Variants in AP3D1 observed in about 807,000 individuals in gnomAD.
The protein encoded by AP3D1 is AP-3 complex subunit delta-1.
Under a neutral mutation model 147.6 loss-of-function variants are expected in AP3D1, and 51 were observed. That is an observed-to-expected ratio of 0.35 (90% confidence interval 0.28 to 0.44). The LOEUF is 0.44. Among genes scored for constraint, AP3D1 ranks in the 20% least tolerant of loss-of-function variants. The pLI is 1.00. For synonymous variants in AP3D1, 760 were observed against 663.0 expected, an observed-to-expected ratio of 1.15 and a Z score of -2.25; for missense variants, 1,421 against 1,624.2, an observed-to-expected ratio of 0.87 and a Z score of 2.15.
chr19:2,108,022 A>G (rs2018160745), intron 31 of AP3D1, among the ~76,000 whole-genome samples: 2 of 152,350 alleles, frequency 1.3e-5, no homozygotes, highest in South Asian at 4.1e-4. Context: ...AAAAGCCTGC[A>G]GAAAAGGAAC....
At chr19:2,137,860 G>A (rs2019118558) in intron 2 of AP3D1, 53 bp from the exon 3 acceptor site, 2 of 1,556,854 alleles carry the variant, frequency 1.3e-6, no homozygotes, top group East Asian at 2.3e-5. Flanking sequence ...AGAGAGAAAG[G>A]TTTTGAGCCG....
rs756906441 is a variant in AP3D1, at chr19:2,112,926, C to T, written c.2721G>A (p.Glu907=). The change falls in exon 24 of 32, where the codon GAG becomes GAA. Residue 907 remains glutamate (E), a synonymous_variant. Transcript: ENST00000643116. ...SVNTVTTPKD[E]CEDAKTEAQG... The stretch of plus-strand genomic sequence containing the variant: ...GCGCCTCCGTCTTGGCGTCCTCACA[C>T]TCGTCCTTCGGGGTAGTGACAGTGT... 1.4e-5 allele frequency: 23 copies of T among 1,613,234 alleles called. No individual in the cohort carries two copies. The highest frequency in any genetic ancestry group is 1.8e-5 in the Non-Finnish European group (21 of 1,179,742).
rs1276793982 is a variant in AP3D1 at position 2,109,171 on chromosome 19, C to T, written c.3387G>A (p.Leu1129=). 3.1e-6 allele frequency: 5 copies of T among 1,608,612 alleles called. No individual in the cohort carries two copies. The highest frequency in any genetic ancestry group is 1.7e-5 in the Admixed American group (1 of 58,274). ...CATCGACTTTGATTGAGCTCATGCT[C>T]AAGTCCCCAGACTCCAGCAACTTAG... ...AFAKLLESGD[L]SMSSIKVDGI... is the part of the protein sequence containing the mutation. The change falls in exon 30 of 32, where the codon TTG becomes TTA. Residue 1129 remains leucine, a synonymous_variant. Transcript: ENST00000643116.
chr19:2,163,087 T>A (rs2019759671), intron 1 of AP3D1, among the ~76,000 whole-genome samples: 1 of 152,094 alleles, frequency 6.6e-6, no homozygotes, highest in African/African-American at 2.4e-5. Context: ...ATTAATTATT[T>A]TTTTGAGACG....
At chr19:2,117,450 CT>C in intron 15 of AP3D1, 83 bp from the exon 16 acceptor site, 1 of 1,432,826 alleles carries the variant, frequency 7.0e-7, no homozygotes, top group East Asian at 2.6e-5. Flanking sequence ...GGCTCAGCCC[CT>C]GGCACAGTGA....
chr19:2,123,958 G>A (rs1392795496), intron 9 of AP3D1, 79 bp from the exon 10 acceptor site: 1 of 1,458,780 alleles, frequency 6.9e-7, no homozygotes, highest in Non-Finnish European at 9.4e-7. Flanking sequence ...CGGGGCACCA[G>A]CACCCCCTCG....
At chr19:2,137,445 C>T (rs750977770) in intron 3 of AP3D1, among the ~76,000 whole-genome samples, 2 of 151,964 alleles carry the variant, frequency 1.3e-5, no homozygotes, top group Non-Finnish European at 2.9e-5. Flanking sequence ...TCCCAAGTAG[C>T]TAGGATTATA....
chr19:2,106,770 G>C (rs2018121648), intron 31 of AP3D1, among the ~76,000 whole-genome samples: 1 of 152,146 alleles, frequency 6.6e-6, no homozygotes, highest in African/African-American at 2.4e-5. Flanking sequence ...GCACCTTAAG[G>C]ACATGAGGTG....
intron 23 of AP3D1, 144 bp downstream of exon 23, chr19:2,113,192 G>T: frequency 1.6e-6 from 1 of 637,322 alleles, no homozygotes. Context: ...CATGACCCCG[G>T]CTCCACTCAG....
At chr19:2,153,659 A>G (rs1273129241), upstream of AP3D1, among the ~76,000 whole-genome samples, 2 of 150,258 alleles carry the variant, frequency 1.3e-5, no homozygotes, top group Admixed American at 6.6e-5. Flanking sequence ...TGGGAGACAG[A>G]GCAAGATTCC....
intron 1 of AP3D1, among the ~76,000 whole-genome samples, chr19:2,142,637 G>A (rs929346950): frequency 6.6e-6 from 1 of 152,364 alleles, no homozygotes; most frequent in East Asian, 1.9e-4. Flanking sequence ...TGGCCGCCTG[G>A]CTGAGGGGAG....
At chr19:2,135,604 A>C (rs539189954) in intron 4 of AP3D1, among the ~76,000 whole-genome samples, 3 of 152,248 alleles carry the variant, frequency 2.0e-5, no homozygotes, top group Non-Finnish European at 2.9e-5. Flanking sequence ...GTGATCCTAC[A>C]CAGAGGAAGC....
At chr19:2,137,913 C>T (rs1444944821) in intron 2 of AP3D1, 106 bp from the exon 3 acceptor site, 2 of 988,706 alleles carry the variant, frequency 2.0e-6, no homozygotes, top group African/African-American at 3.2e-5. Context: ...CTGGAACAGA[C>T]TCATTCACTG....
rs1258923996 is a variant in AP3D1 at position 2,132,327 on chromosome 19, A to G, written c.462+144T>C. The G allele has an allele frequency of 7.7e-6, 5 of 652,384 alleles. No individual in the cohort carries two copies. The African/African-American group carries it at 9.0e-5, about 12-fold the overall frequency. The allele number at this position is 652,384 out of a possible 1,614,324, so 40.4% of individuals were successfully genotyped here. A position where few individuals can be genotyped will look rare whatever the true frequency, so the allele number is the denominator to read the frequency against. The stretch of plus-strand genomic sequence containing the variant: ...CCCAAGAGCCGCTCCACCAGCTGAC[A>G]GTGATTTGGTTCCCATTTCAGGCAG... On this transcript the variant is annotated intron_variant, in intron 5 of 31. Transcript: ENST00000643116.
chr19:2,102,890 T>C (rs1302151372), intron 31 of AP3D1, among the ~76,000 whole-genome samples: 1 of 151,714 alleles, frequency 6.6e-6, no homozygotes, highest in East Asian at 1.9e-4. Context: ...GGAGGTTGCA[T>C]GTGAGTTGAG....
At chr19:2,142,120 C>T (rs2019239090) in intron 1 of AP3D1, among the ~76,000 whole-genome samples, 1 of 151,512 alleles carries the variant, frequency 6.6e-6, no homozygotes, top group African/African-American at 2.4e-5. Context: ...CGGGTTCAAG[C>T]AATTCTCCTG....
chr19:2,124,604 G>C (rs1381708785), intron 9 of AP3D1, among the ~76,000 whole-genome samples: 1 of 152,176 alleles, frequency 6.6e-6, no homozygotes, highest in Non-Finnish European at 1.5e-5. Context: ...TTCTTTTTAA[G>C]ACATGGGTTC....
intron 4 of AP3D1, 76 bp from the exon 5 acceptor site, chr19:2,132,654 C>G: frequency 1.6e-5 from 21 of 1,337,474 alleles, no homozygotes; most frequent in Non-Finnish European, 2.2e-5. Context: ...CCAGGAGCAG[C>G]AGGAGCGAAA....
intron 1 of AP3D1, among the ~76,000 whole-genome samples, chr19:2,160,313 G>C (rs1347554942): frequency 6.6e-6 from 1 of 152,134 alleles, no homozygotes; most frequent in Non-Finnish European, 1.5e-5. Context: ...TGGATAGCCT[G>C]AGGTCAGGAG....
Sources: allele counts gnomAD v4.1 joint callset (sites outside exome capture counted in the v4.1 genomes callset), GRCh38; gene constraint gnomAD v4.1.1; transcripts MANE v1.5; gene names NCBI Gene and HGNC (gene_info 2026-07-23, HGNC 2026-07-21).